Variants in RPIA observed in about 807,000 individuals in gnomAD.
RPIA encodes the protein ribose-5-phosphate isomerase.
RPIA carries 29 observed loss-of-function variants against 37.8 expected under a neutral mutation model. The ratio of observed to expected loss-of-function variants is 0.77; its 90% CI spans 0.57 to 1.05. The LOEUF (loss-of-function observed/expected upper bound fraction) is 1.05. RPIA is among the 50% of genes least tolerant of loss of function. RPIA has a pLI of 0.00. For synonymous variants in RPIA, 167 were observed against 157.0 expected (o/e 1.06, Z -0.48); for missense variants, 385 against 413.6 (o/e 0.93, Z 0.60).
At chr2:88,727,668 G>T (rs1476031115) in intron 3 of RPIA, among the ~76,000 whole-genome samples, 4 of 152,198 alleles carry the variant, frequency 2.6e-5, no homozygotes, top group Admixed American at 1.3e-4. Context: ...GTTTGCTAAG[G>T]ATAATGGCCT....
At chr2:88,727,906 A>C (rs532203729) in intron 3 of RPIA, among the ~76,000 whole-genome samples, 10 of 152,196 alleles carry the variant, frequency 6.6e-5, no homozygotes, top group Admixed American at 1.3e-4. Flanking sequence ...TTAGCTTTTT[A>C]TTATGGCAAA....
At chr2:88,737,517 T>C (rs1673329373) in intron 7 of RPIA, among the ~76,000 whole-genome samples, 2 of 152,194 alleles carry the variant, frequency 1.3e-5, no homozygotes, top group Admixed American at 1.3e-4. Flanking sequence ...AGAGTTCTTA[T>C]TTGAAAGCCA....
chr2:88,742,682 A>C (rs1444794936), intron 8 of RPIA, among the ~76,000 whole-genome samples: 1 of 151,832 alleles, frequency 6.6e-6, no homozygotes, highest in African/African-American at 2.4e-5. Flanking sequence ...ATCCATGAGC[A>C]TGGGATGTGT....
At chr2:88,734,432 TG>T in intron 4 of RPIA, 119 bp from the exon 5 acceptor site, 1 of 911,774 alleles carries the variant, frequency 1.1e-6, no homozygotes, top group East Asian at 2.4e-5. Flanking sequence ...ATTTGCTAAA[TG>T]GGAGTACTAG....
chr2:88,748,736 G>A (rs902780241), intron 8 of RPIA, among the ~76,000 whole-genome samples: 3 of 152,008 alleles, frequency 2.0e-5, no homozygotes, highest in Non-Finnish European at 2.9e-5. Flanking sequence ...TTTGGAGACA[G>A]GATCTTGCTC....
chr2:88,736,553 C>G lies in RPIA; in HGVS notation c.615C>G (p.Leu205=). The change falls in exon 7 of 9, where the codon CTC becomes CTG. Residue 205 remains leucine (L), a synonymous_variant. Coordinates refer to ENST00000283646, the MANE Select transcript of RPIA (RefSeq NM_144563.3). ...IADFRKDSKN[L]GDQWHKGIPI... The stretch of plus-strand genomic sequence containing the variant: ...TTTCCAGGAAAGATTCGAAGAATCT[C>G]GGGGATCAGTGGCACAAGGGAATCC... 6.2e-7 allele frequency: 1 copy of G among 1,614,106 alleles called. No homozygotes were observed. The highest frequency in any genetic ancestry group is 1.1e-5 in the South Asian group (1 of 91,070).
chr2:88,735,637 T>G, intron 5 of RPIA, 32 bp from the exon 6 acceptor site: 1 of 1,609,080 alleles, frequency 6.2e-7, no homozygotes, highest in Non-Finnish European at 8.5e-7. Context: ...ATTTTTGTCT[T>G]ACTCCTGTGT....
intron 3 of RPIA, among the ~76,000 whole-genome samples, chr2:88,721,375 GAAAAT>G (rs1312479909): frequency 6.7e-6 from 1 of 149,968 alleles, no homozygotes; most frequent in African/African-American, 2.4e-5. Flanking sequence ...TTAAAAAAAA[GAAAAT>G]AAATTTAATA....
intron 8 of RPIA, among the ~76,000 whole-genome samples, chr2:88,747,501 G>A (rs186157722): frequency 1.6e-4 from 25 of 152,256 alleles, no homozygotes; most frequent in South Asian, 1.2e-3. Context: ...AAATTATTAC[G>A]AAGTTCAGCT....
chr2:88,732,728 T>TAA (rs75685116), intron 4 of RPIA, among the ~76,000 whole-genome samples: 2 of 2,004 alleles, frequency 1.0e-3, no homozygotes, highest in Admixed American at 5.6e-3. Flanking sequence ...TAGAGTATAA[T>TAA]AAAAAAAAAA....
chr2:88,712,087 C>T (rs1672968263), intron 3 of RPIA, among the ~76,000 whole-genome samples: 1 of 152,214 alleles, frequency 6.6e-6, no homozygotes, highest in Non-Finnish European at 1.5e-5. Flanking sequence ...CCATCATGAC[C>T]TGAACTTGAT....
chr2:88,736,489 T>G, intron 6 of RPIA, 46 bp from the exon 7 acceptor site: 1 of 1,610,578 alleles, frequency 6.2e-7, no homozygotes, highest in Non-Finnish European at 8.5e-7. Context: ...GCCTGTACTG[T>G]TGAGCTTATT....
chr2:88,704,747 G>C (rs1005399144), intron 3 of RPIA, among the ~76,000 whole-genome samples: 1 of 152,108 alleles, frequency 6.6e-6, no homozygotes, highest in East Asian at 1.9e-4. Flanking sequence ...AGAAAGAAAG[G>C]GTATTCACAT....
rs187530908 is a variant in RPIA at position 88,743,479 on chromosome 2, A to G, written c.838+5403A>G. 2.6e-5 allele frequency among the ~76,000 whole-genome samples: 4 copies of G among 152,084 alleles called. No individual in the cohort carries two copies. The East Asian group carries it at 5.8e-4, about 22-fold the overall frequency. ...ATTTTTGCATTTATGTTCATCAGGG[A>G]TATTGGTCTGTAGTTTTCTTTTTTT... On this transcript the variant is annotated intron_variant, in intron 8 of 8. Transcript: ENST00000283646.
At chr2:88,726,356 T>G (rs1406809531) in intron 3 of RPIA, among the ~76,000 whole-genome samples, 1 of 151,966 alleles carries the variant, frequency 6.6e-6, no homozygotes, top group African/African-American at 2.4e-5. Flanking sequence ...AAACATTGAG[T>G]TTTTTTGTGA....
At position 88,721,534 on chromosome 2, in the gene RPIA, A is replaced by G. The variant is rs146291864; in HGVS notation, c.403-7744A>G. ...ATAAAACATAATAGATATATTTTAG[A>G]TATATATTATACACACACACACACA... On this transcript the variant is annotated intron_variant, in intron 3 of 8. Coordinates refer to ENST00000283646, the MANE Select transcript of RPIA (RefSeq NM_144563.3). Among the ~76,000 whole-genome samples the G allele has an allele frequency of 1.6e-3, 212 of 132,554 alleles. 2 individuals are homozygous for G. The highest frequency in any genetic ancestry group is 5.9e-3 in the African/African-American group (209 of 35,206). 87.0% of individuals were successfully genotyped at this position (132,554 alleles called of 152,430 possible). A position where few individuals can be genotyped will look rare whatever the true frequency, so the allele number is the denominator to read the frequency against.
rs113239457 is a variant in RPIA, at chr2:88,725,160, G to A, written c.403-4118G>A. On this transcript the variant is annotated intron_variant, in intron 3 of 8. Transcript: ENST00000283646. ...CAGGGGTGTTTACTCTACACGCTCC[G>A]GAGACCCTTTTGCTTCCCTGTTAGA... 6.4e-3 allele frequency among the ~76,000 whole-genome samples: 969 copies of A among 152,198 alleles called. 18 individuals carry two copies. The highest frequency in any genetic ancestry group is 0.022 in the African/African-American group (917 of 41,514).
At chr2:88,735,332 G>A (rs1050784163) in intron 5 of RPIA, among the ~76,000 whole-genome samples, 2 of 152,058 alleles carry the variant, frequency 1.3e-5, no homozygotes, top group Non-Finnish European at 2.9e-5. Flanking sequence ...TGTTCAAAGC[G>A]TGCCCTCCTC....
At chr2:88,735,558 G>C in intron 5 of RPIA, 111 bp from the exon 6 acceptor site, 1 of 978,622 alleles carries the variant, frequency 1.0e-6, no homozygotes. Flanking sequence ...TAAAAGTTAA[G>C]TTTCTCTTTA....
Sources: allele counts gnomAD v4.1 joint callset (sites outside exome capture counted in the v4.1 genomes callset), GRCh38; gene constraint gnomAD v4.1.1; transcripts MANE v1.5; gene names NCBI Gene and HGNC (gene_info 2026-07-23, HGNC 2026-07-21).